The following TAF5 variants were observed in gnomAD, a reference collection of about 807,000 sequenced individuals.
The protein encoded by TAF5 is transcription initiation factor TFIID subunit 5.
A neutral mutation model predicts 80.9 loss-of-function variants in TAF5; 20 were observed. That is an observed-to-expected ratio of 0.25 (90% CI 0.17 to 0.36). TAF5 has a LOEUF of 0.36. TAF5 is among the 10% of genes least tolerant of loss of function. TAF5 has a pLI of 1.00. For synonymous variants in TAF5, 388 were observed against 406.4 expected (o/e 0.95, Z 0.55); for missense variants, 863 against 1,029.4 (o/e 0.84, Z 2.21).
At position 103,388,192 on chromosome 10, in the gene TAF5, T is replaced by C; in HGVS notation, c.2372T>C (p.Val791Ala). The change falls in exon 11 of 11, where the codon GTT becomes GCT. Residue 791 changes from valine to alanine, a missense_variant. By Grantham distance (64) the Val-to-Ala change is moderately conservative. Around this residue, in one of 3 missense-constraint regions of TAF5, gnomAD observed 368 missense variants for 461.7 expected, o/e 0.80. Transcript: ENST00000369839. The part of the protein sequence containing the change: ...VHLHFTRRNL[V>A]LAAGAYSPQ ...CTTCATTTTACTCGAAGAAACCTGG[T>C]TCTAGCTGCAGGAGCTTATAGTCCA... is the stretch of plus-strand genomic sequence containing the variant. The C allele has an allele frequency of 1.2e-6, 2 of 1,613,998 alleles. No homozygotes were observed.
rs1195228361 is a variant in TAF5 at position 103,387,507 on chromosome 10, G to T, written c.2008-14G>T. ...CTAGACATACTTTGATCTTTTCTAT[G>T]AACTTTTTTCTAGGGACCAATTCAT... On this transcript the variant is annotated splice_polypyrimidine_tract_variant and intron_variant, in intron 9 of 10. Transcript: ENST00000369839. 1.9e-6 allele frequency: 3 copies of T among 1,600,368 alleles called. No homozygotes were observed. The highest frequency in any genetic ancestry group is 2.2e-5 in the East Asian group (1 of 44,758).
Position 103,368,423 on chromosome 10 carries a change from G to A in TAF5, c.434G>A (p.Ser145Asn). 4 of 1,576,284 alleles carry A rather than the reference G, an allele frequency of 2.5e-6. No homozygotes were observed. Among genetic ancestry groups the A allele is most frequent in the Non-Finnish European group, 3.4e-6 (4 of 1,170,720 alleles). ...EVDSAGAEVTSALLSRVTASA... is the reference protein window; with the variant it reads ...EVDSAGAEVTNALLSRVTASA... The stretch of plus-strand genomic sequence containing the variant: ...GACAGCGCCGGCGCTGAGGTGACCA[G>A]CGCGCTTCTCAGCCGGGTGACCGCC... Residue 145 changes from serine to asparagine, a missense_variant, in exon 1 of 11, where the codon AGC (serine) becomes AAC (asparagine). By Grantham distance (46) the Ser-to-Asn change is conservative (BLOSUM62 1). Coordinates refer to ENST00000369839, the MANE Select transcript of TAF5 (RefSeq NM_006951.5).
intron 4 of TAF5, 51 bp downstream of exon 4, chr10:103,379,822 T>TTATA (rs1554870678): frequency 2.5e-6 from 4 of 1,602,436 alleles, no homozygotes; most frequent in Non-Finnish European, 3.4e-6. Context: ...GACAACATGT[T>TTATA]ATATAGAGTT....
chr10:103,385,086 C>T (rs1356977215), intron 7 of TAF5, among the ~76,000 whole-genome samples: 1 of 151,974 alleles, frequency 6.6e-6, no homozygotes, highest in Non-Finnish European at 1.5e-5. Flanking sequence ...ATCATATTAC[C>T]TCATTCAGTA....
At chr10:103,387,009 A>G (rs2093398092) in intron 8 of TAF5, among the ~76,000 whole-genome samples, 166 bp from the exon 9 acceptor site, 1 of 151,672 alleles carries the variant, frequency 6.6e-6, no homozygotes, top group African/African-American at 2.4e-5. Context: ...ATGAACTCTT[A>G]GGACTGTGAG....
chr10:103,369,799 G>A (rs2093354911), intron 1 of TAF5, among the ~76,000 whole-genome samples: 1 of 152,188 alleles, frequency 6.6e-6, no homozygotes, highest in African/African-American at 2.4e-5. Context: ...TTTTGAATAA[G>A]TGCTTCTAAG....
intron 2 of TAF5, 131 bp downstream of exon 2, chr10:103,373,726 C>T (rs1219217976): frequency 2.9e-6 from 2 of 694,334 alleles, no homozygotes; most frequent in Non-Finnish European, 4.6e-6. Context: ...AGGAGAGGTA[C>T]CTGAGGCTAT....
Position 103,379,528 on chromosome 10 carries a change from G to A in TAF5, c.1114-80G>A, listed in dbSNP as rs1008233884. On this transcript the variant is annotated intron_variant, in intron 3 of 10. Transcript: ENST00000369839. ...GAGTGTAAATTACTATTTTGTAATT[G>A]TGATTTATCCTATCAAGATGTAAAA... The A allele has an allele frequency of 2.5e-6, 3 of 1,203,756 alleles. No homozygotes were observed. The African/African-American group carries it at 4.6e-5, about 19-fold the overall frequency. The allele number at this position is 1,203,756 out of a possible 1,614,324, so 74.6% of individuals were successfully genotyped here. A position where few individuals can be genotyped will look rare whatever the true frequency, so the allele number is the denominator to read the frequency against.
At chr10:103,375,793 C>T (rs766630672) in intron 2 of TAF5, among the ~76,000 whole-genome samples, 6 of 152,054 alleles carry the variant, frequency 3.9e-5, no homozygotes, top group Non-Finnish European at 7.4e-5. Context: ...TGTGGTAGCT[C>T]ATGCCTGTAA....
rs1353851547 is a variant in TAF5 at position 103,378,166 on chromosome 10, G to A, written c.798-69G>A. 7.3e-7 allele frequency: 1 copy of A among 1,374,888 alleles called. No homozygotes were observed. The highest frequency in any genetic ancestry group is 1.4e-5 in the African/African-American group (1 of 69,604). The allele number at this position is 1,374,888 out of a possible 1,614,324, so 85.2% of individuals were successfully genotyped here. A position where few individuals can be genotyped will look rare whatever the true frequency, so the allele number is the denominator to read the frequency against. ...GAAAATATTCTGGGATGGTTTATAA[G>A]TATATGGGGGAAAGGCAGATCCCTT... On this transcript the variant is annotated intron_variant, in intron 2 of 10. Coordinates refer to ENST00000369839, the MANE Select transcript of TAF5 (RefSeq NM_006951.5). The surrounding 1 kb of genome is among the most constrained non-coding windows in gnomAD (Gnocchi z 4.1).
At chr10:103,380,524 A>G (rs1286017916) in intron 5 of TAF5, among the ~76,000 whole-genome samples, 3 of 152,192 alleles carry the variant, frequency 2.0e-5, no homozygotes, top group African/African-American at 7.2e-5. Context: ...CATTTGTTTC[A>G]CCGATCAGAA....
At chr10:103,383,494 C>A in intron 7 of TAF5, 127 bp downstream of exon 7, 3 of 915,400 alleles carry the variant, frequency 3.3e-6, no homozygotes, top group African/African-American at 1.8e-5. Flanking sequence ...GTCTGACGTT[C>A]ATCATCTTTT....
At chr10:103,375,097 T>G (rs548525941) in intron 2 of TAF5, among the ~76,000 whole-genome samples, 4 of 128,546 alleles carry the variant, frequency 3.1e-5, no homozygotes, top group Non-Finnish European at 4.7e-5. Flanking sequence ...CTAGCCTAGA[T>G]GACAAGAGTG....
At chr10:103,387,142 T>G (rs745831532) in intron 8 of TAF5, 33 bp from the exon 9 acceptor site, 13 of 1,585,468 alleles carry the variant, frequency 8.2e-6, no homozygotes, top group East Asian at 2.2e-5. Flanking sequence ...ATCTACTAAT[T>G]GTCATCTTTT....
At chr10:103,381,360 G>T (rs1015794133) in intron 5 of TAF5, among the ~76,000 whole-genome samples, 3 of 152,060 alleles carry the variant, frequency 2.0e-5, no homozygotes, top group African/African-American at 7.2e-5. Context: ...TCTGCCTCCT[G>T]GGTTCAAGTG....
chr10:103,379,706 G>T lies in TAF5; in HGVS notation c.1212G>T (p.Lys404Asn). The T allele has an allele frequency of 6.2e-7, 1 of 1,610,380 alleles. No individual in the cohort carries two copies. The highest frequency in any genetic ancestry group is 8.5e-7 in the Non-Finnish European group (1 of 1,179,274). Residue 404 changes from lysine to asparagine, a missense_variant, in exon 4 of 11, where the codon AAG becomes AAT. Physicochemically the swap from Lys to Asn is moderately conservative, Grantham distance 94. Coordinates refer to ENST00000369839, the MANE Select transcript of TAF5 (RefSeq NM_006951.5). The part of the protein sequence containing the change: ...ENEEGKPKKK[K>N]PKKDSIGSKS... ...AAGAAGGAAAACCTAAAAAGAAGAA[G>T]CCTAAAAAAGATAGTATTGGATCCA...
chr10:103,386,010 GT>G (rs1449957428), intron 8 of TAF5, among the ~76,000 whole-genome samples: 1 of 151,158 alleles, frequency 6.6e-6, no homozygotes, highest in Non-Finnish European at 1.5e-5. Flanking sequence ...ATGAATCCTG[GT>G]TTTTAAAAAA....
At chr10:103,368,706 G>T (rs1265086039) in intron 1 of TAF5, among the ~76,000 whole-genome samples, 158 bp downstream of exon 1, 1 of 152,220 alleles carries the variant, frequency 6.6e-6, no homozygotes, top group Non-Finnish European at 1.5e-5. Flanking sequence ...CGCGGGCTGC[G>T]CAGTCAAACC....
Position 103,382,467 on chromosome 10 carries a change from C to T in TAF5, c.1534+626C>T, listed in dbSNP as rs571695119. Among the ~76,000 whole-genome samples the T allele has an allele frequency of 9.9e-5, 15 of 151,768 alleles. No individual in the cohort carries two copies. The South Asian group carries it at 1.3e-3, about 13-fold the overall frequency. On this transcript the variant is annotated intron_variant, in intron 6 of 10. Coordinates refer to ENST00000369839, the MANE Select transcript of TAF5 (RefSeq NM_006951.5). Reference sequence around the variant, plus strand: ...CTCGAACTCCTGACCTCAAGTGATCCGCCTGTCTGGCCTCCCAAAGTGCTG... The same window carrying T: ...CTCGAACTCCTGACCTCAAGTGATCTGCCTGTCTGGCCTCCCAAAGTGCTG...
Sources: gnomAD v4.1 joint callset for allele counts (sites outside exome capture counted in the v4.1 genomes callset) on GRCh38, gnomAD v4.1.1 for gene constraint, gnomAD v4.1.1 regional missense constraint, Gnocchi (gnomAD v3.1) non-coding constraint, MANE v1.5 for transcripts, NCBI Gene and HGNC (gene_info 2026-07-23, HGNC 2026-07-21) for gene names.